The following IL33 variants were observed in gnomAD, a reference collection of about 807,000 sequenced individuals.
The protein encoded by IL33 is interleukin 33.
A neutral mutation model predicts 27.3 loss-of-function variants in IL33; 37 were observed. The observed-to-expected ratio is 1.36, with a 90% confidence interval of 1.04 to 1.78. The LOEUF (loss-of-function observed/expected upper bound fraction) is 1.78. Among genes scored for constraint, IL33 ranks in the 40% most tolerant of loss-of-function variants. The pLI, the probability that IL33 is intolerant of heterozygous loss-of-function variation, is 0.00. For synonymous variants in IL33, 132 were observed against 102.9 expected (o/e 1.28, Z -1.71); for missense variants, 406 against 311.4 (o/e 1.30, Z -2.29).
intron 1 of IL33, among the ~76,000 whole-genome samples, chr9:6,226,671 T>C (rs1201977270): frequency 6.6e-6 from 1 of 152,250 alleles, no homozygotes; most frequent in Non-Finnish European, 1.5e-5. Context: ...ATATTCTATT[T>C]GGATCTTTTT....
intron 1 of IL33, among the ~76,000 whole-genome samples, chr9:6,224,286 T>C (rs1818539379): frequency 6.6e-6 from 1 of 152,162 alleles, no homozygotes; most frequent in Admixed American, 6.6e-5. Flanking sequence ...AACTGTAAAA[T>C]CTGGAATTAA....
Position 6,242,044 on chromosome 9 carries a change from T to A in IL33, c.91+259T>A, listed in dbSNP as rs147685392. ...CTGAACCTGTGAATAGTGATAAACTTAATTATAGCCTTTTATATCAACCAC... is the reference window on the plus strand; with the variant it reads ...CTGAACCTGTGAATAGTGATAAACTAAATTATAGCCTTTTATATCAACCAC... On this transcript the variant is annotated intron_variant, in intron 2 of 7. Coordinates refer to ENST00000682010, the MANE Select transcript of IL33 (RefSeq NM_033439.4). 2.6e-5 allele frequency: 6 copies of A among 229,066 alleles called. No homozygotes were observed. In the East Asian group the frequency reaches 4.7e-4, roughly 18 times the overall value. 14.2% of individuals were successfully genotyped at this position (229,066 alleles called of 1,614,324 possible). A position where few individuals can be genotyped will look rare whatever the true frequency, so the allele number is the denominator to read the frequency against.
chr9:6,246,425 C>T lies in IL33; in HGVS notation c.92-4049C>T, dbSNP rs550522052. Among the ~76,000 whole-genome samples, 7 of 151,518 alleles carry T rather than the reference C, an allele frequency of 4.6e-5. No individual in the cohort carries two copies. The South Asian group carries it at 1.5e-3, about 32-fold the overall frequency. The stretch of plus-strand genomic sequence containing the variant: ...AAAAATACAAAAATTAGCTGGGCAC[C>T]GTGGCGCACGCCTGTAGTCCCAGCT... On this transcript the variant is annotated intron_variant, in intron 2 of 7. Transcript: ENST00000682010.
chr9:6,230,605 A>C lies in IL33; in HGVS notation c.-11-11079A>C, dbSNP rs141503606. On this transcript the variant is annotated intron_variant, in intron 1 of 7. Transcript: ENST00000682010. ...CTGCCCCTTTGCAAAATCTCCCAGAATGAAGTCATATTGTGTTGGCAAACT... is the reference window on the plus strand; with the variant it reads ...CTGCCCCTTTGCAAAATCTCCCAGACTGAAGTCATATTGTGTTGGCAAACT... Among the ~76,000 whole-genome samples, 113 of 152,268 alleles carry C rather than the reference A, an allele frequency of 7.4e-4. 1 individual carries two copies. The highest frequency in any genetic ancestry group is 2.4e-3 in the African/African-American group (101 of 41,558).
rs769531634 is a variant in IL33 at position 6,251,162 on chromosome 9, G to A, written c.240G>A (p.Leu80=). The A allele has an allele frequency of 2.5e-6, 4 of 1,613,818 alleles. No individual in the cohort carries two copies. Among genetic ancestry groups the A allele is most frequent in the Non-Finnish European group, 3.4e-6 (4 of 1,179,814 alleles). The stretch of plus-strand genomic sequence containing the variant: ...CAGGTAGAAAGCACAAAAGACATCT[G>A]GTACTCGCTGCCTGTCAACAGCAGT... The part of the protein sequence containing the change: ...LKTGRKHKRH[L]VLAACQQQST... Residue 80 remains leucine (L), a synonymous_variant, in exon 4 of 8, where the codon CTG becomes CTA. Coordinates refer to ENST00000682010, the MANE Select transcript of IL33 (RefSeq NM_033439.4).
intron 1 of IL33, among the ~76,000 whole-genome samples, chr9:6,218,058 C>T (rs765412959): frequency 8.5e-5 from 13 of 152,202 alleles, no homozygotes; most frequent in Non-Finnish European, 1.8e-4. Context: ...CAGAAAACTT[C>T]AGAATCCTCT....
intron 1 of IL33, among the ~76,000 whole-genome samples, chr9:6,235,655 T>A (rs975859816): frequency 1.2e-4 from 18 of 152,100 alleles, no homozygotes; most frequent in South Asian, 6.2e-4. Context: ...TTAGGTAGAG[T>A]CCTTAAAATC....
intron 1 of IL33, among the ~76,000 whole-genome samples, chr9:6,217,881 C>G (rs369312804): frequency 1.3e-5 from 2 of 151,380 alleles, no homozygotes; most frequent in East Asian, 3.8e-4. Context: ...GGCAAAGACC[C>G]GTATTTCCTC....
Position 6,255,982 on chromosome 9 carries a change from A to T in IL33, c.627A>T (p.Glu209Asp). Residue 209 changes from glutamate (E) to aspartate (D), a missense_variant, in exon 8 of 8, where the codon GAA becomes GAT. Coordinates refer to ENST00000682010, the MANE Select transcript of IL33 (RefSeq NM_033439.4). ...TGTTTCCTCAGCTCCATAAGTGTGA[A>T]AAACCACTGCCAGACCAGGCCTTCT... ...KEHSVELHKC[E>D]KPLPDQAFFV... The T allele has an allele frequency of 1.2e-6, 2 of 1,613,620 alleles. No individual in the cohort carries two copies. Among genetic ancestry groups the T allele is most frequent in the Non-Finnish European group, 1.7e-6 (2 of 1,179,600 alleles).
intron 2 of IL33, among the ~76,000 whole-genome samples, chr9:6,243,949 A>G (rs1200521231): frequency 6.6e-6 from 1 of 152,254 alleles, no homozygotes; most frequent in East Asian, 1.9e-4. Flanking sequence ...CTGAACAACC[A>G]GGAAATCACA....
At chr9:6,225,804 C>T (rs975851786) in intron 1 of IL33, among the ~76,000 whole-genome samples, 4 of 152,054 alleles carry the variant, frequency 2.6e-5, no homozygotes, top group African/African-American at 9.7e-5. Context: ...CTAACTATAG[C>T]CTGGACCTCC....
chr9:6,250,441 T>A, intron 2 of IL33, 33 bp from the exon 3 acceptor site: 1 of 1,608,020 alleles, frequency 6.2e-7, no homozygotes, highest in Non-Finnish European at 8.5e-7. Flanking sequence ...ATGAATGGAA[T>A]GAAACAGTCT....
intron 1 of IL33, among the ~76,000 whole-genome samples, chr9:6,223,357 T>C (rs1408295212): frequency 6.6e-6 from 1 of 152,086 alleles, no homozygotes; most frequent in Non-Finnish European, 1.5e-5. Context: ...AACAGTACTA[T>C]TACTGGTAAT....
At chr9:6,241,234 G>C (rs1367731824) in intron 1 of IL33, among the ~76,000 whole-genome samples, 1 of 152,198 alleles carries the variant, frequency 6.6e-6, no homozygotes, top group Non-Finnish European at 1.5e-5. Flanking sequence ...ATGATAAAAA[G>C]TATAGTATAG....
At chr9:6,228,566 T>A (rs542435375) in intron 1 of IL33, among the ~76,000 whole-genome samples, 19 of 147,768 alleles carry the variant, frequency 1.3e-4, no homozygotes, top group African/African-American at 4.5e-4. Flanking sequence ...TCTGAATCCA[T>A]TAAACAACAG....
At chr9:6,252,028 T>A (rs1816391989) in intron 4 of IL33, among the ~76,000 whole-genome samples, 1 of 130,868 alleles carries the variant, frequency 7.6e-6, no homozygotes. Context: ...CAAGAGCGGC[T>A]GTCTCAGAAA....
intron 1 of IL33, among the ~76,000 whole-genome samples, chr9:6,238,873 C>A (rs537638657): frequency 1.3e-5 from 2 of 152,280 alleles, no homozygotes; most frequent in African/African-American, 4.8e-5. Flanking sequence ...GATTGCAGAA[C>A]CATACTAAGA....
intron 1 of IL33, among the ~76,000 whole-genome samples, chr9:6,236,339 G>C (rs1001429187): frequency 6.6e-6 from 1 of 151,990 alleles, no homozygotes; most frequent in South Asian, 2.1e-4. Context: ...AAGAATGTCA[G>C]GATCTACCAC....
intron 2 of IL33, among the ~76,000 whole-genome samples, chr9:6,248,967 T>C (rs546144816): frequency 6.6e-6 from 1 of 152,310 alleles, no homozygotes; most frequent in Non-Finnish European, 1.5e-5. Flanking sequence ...CAGTAAAGTA[T>C]TGTATTAAAT....
Sources: allele counts gnomAD v4.1 joint callset (sites outside exome capture counted in the v4.1 genomes callset), GRCh38; gene constraint gnomAD v4.1.1; transcripts MANE v1.5; gene names NCBI Gene and HGNC (gene_info 2026-07-23, HGNC 2026-07-21).